Variants in NBEA observed in about 807,000 individuals in gnomAD.
NBEA encodes neurobeachin, also known as lysosomal-trafficking regulator 2.
NBEA carries 44 observed loss-of-function variants against 343.4 expected under a neutral mutation model. That is an observed-to-expected ratio of 0.13 (90% CI 0.10 to 0.16). The LOEUF is 0.16. Among genes scored for constraint, NBEA ranks in the 10% least tolerant of loss-of-function variants. The pLI, the probability that NBEA is intolerant of heterozygous loss-of-function variation, is 1.00. For missense variants in NBEA, 2,555 were observed against 3,631.3 expected, an observed-to-expected ratio of 0.70 and a Z score of 7.62; for synonymous variants, 1,175 against 1,238.7, an observed-to-expected ratio of 0.95 and a Z score of 1.08.
chr13:35,331,326 G>T (rs1298438918), intron 36 of NBEA, among the ~76,000 whole-genome samples: 1 of 151,378 alleles, frequency 6.6e-6, no homozygotes, highest in Non-Finnish European at 1.5e-5. Context: ...CTTACAGTTT[G>T]GGCATGCACT....
At chr13:35,006,782 C>T (rs555513647) in intron 1 of NBEA, among the ~76,000 whole-genome samples, 1 of 152,294 alleles carries the variant, frequency 6.6e-6, no homozygotes, top group East Asian at 1.9e-4. Flanking sequence ...GAGTCTCACT[C>T]TGTTGCCCAG....
intron 28 of NBEA, among the ~76,000 whole-genome samples, chr13:35,177,717 G>C (rs2071012460): frequency 6.6e-6 from 1 of 151,720 alleles, no homozygotes; most frequent in African/African-American, 2.4e-5. Context: ...TTTCACATCA[G>C]ATTCAATGCT....
chr13:35,220,040 A>G (rs1408798794), intron 33 of NBEA, among the ~76,000 whole-genome samples: 1 of 152,160 alleles, frequency 6.6e-6, no homozygotes. Context: ...CTGGTCCAGA[A>G]TACACACTTT....
At chr13:35,661,172 G>A (rs919297035) in intron 55 of NBEA, among the ~76,000 whole-genome samples, 9 of 152,188 alleles carry the variant, frequency 5.9e-5, no homozygotes, top group African/African-American at 2.2e-4. Context: ...AGTGACTAAT[G>A]TGTTCTGATC....
rs1310271069 is a variant in NBEA, at chr13:35,668,398, C to G, written c.8692C>G (p.Leu2898Val). 1.2e-6 allele frequency: 2 copies of G among 1,611,152 alleles called. No individual in the cohort carries two copies. Among genetic ancestry groups the G allele is most frequent in the Non-Finnish European group, 1.7e-6 (2 of 1,178,440 alleles). Reference protein sequence around the residue: ...AILLSSDGQNLVTGGDNGVVE... With the variant: ...AILLSSDGQNVVTGGDNGVVE... The stretch of plus-strand genomic sequence containing the variant: ...TCTCCTGAGCAGTGACGGCCAGAAC[C>G]TGGTCACCGGAGGGGACAATGGGGT... Residue 2898 changes from leucine to valine, a missense_variant, in exon 58 of 59, where the codon CTG (leucine) becomes GTG (valine). Physicochemically the swap from Leu to Val is conservative, Grantham distance 32 (BLOSUM62 1). Around this residue, in one of 21 missense-constraint regions of NBEA, gnomAD observed 186 missense variants for 328.9 expected, o/e 0.57. Coordinates refer to ENST00000379939, the MANE Select transcript of NBEA (RefSeq NM_001385012.1).
chr13:35,112,421 A>G (rs1436637270), intron 13 of NBEA, among the ~76,000 whole-genome samples: 1 of 152,138 alleles, frequency 6.6e-6, no homozygotes, highest in Non-Finnish European at 1.5e-5. Context: ...ATAAGACTGC[A>G]TCTATATATA....
At chr13:35,474,855 T>G in intron 41 of NBEA, 1 of 596,886 alleles carries the variant, frequency 1.7e-6, no homozygotes, top group African/African-American at 1.9e-5. Flanking sequence ...ACTAGTGGCT[T>G]TGGGTTTTTC....
chr13:35,428,219 C>T lies in NBEA; in HGVS notation c.6180-4050C>T, dbSNP rs551258719. ...AAATGCAGAAATCACCCATCTTCTG[C>T]GTTGCTCACGCTGGGAGCTGTAGAC... On this transcript the variant is annotated intron_variant, in intron 38 of 58. Transcript: ENST00000379939. Among the ~76,000 whole-genome samples, 20 of 152,278 alleles carry T rather than the reference C, an allele frequency of 1.3e-4. 1 individual carries two copies. The highest frequency in any genetic ancestry group is 6.8e-3 in the Middle Eastern group (2 of 294).
intron 38 of NBEA, among the ~76,000 whole-genome samples, chr13:35,355,831 A>C (rs1403475740): frequency 6.6e-6 from 1 of 152,084 alleles, no homozygotes; most frequent in Non-Finnish European, 1.5e-5. Flanking sequence ...CTCAAAAAAA[A>C]AATCATTCTC....
intron 39 of NBEA, among the ~76,000 whole-genome samples, chr13:35,449,846 C>A (rs2046216965): frequency 6.6e-6 from 1 of 152,146 alleles, no homozygotes; most frequent in East Asian, 1.9e-4. Flanking sequence ...TACTATTTGT[C>A]TCTGAAGTAT....
chr13:35,380,154 T>G (rs2041937358), intron 38 of NBEA, among the ~76,000 whole-genome samples: 1 of 152,068 alleles, frequency 6.6e-6, no homozygotes, highest in East Asian at 1.9e-4. Context: ...GGTAATACTT[T>G]GTAGTTTTGG....
chr13:35,654,888 C>T lies in NBEA; in HGVS notation c.8069C>T (p.Thr2690Ile), dbSNP rs757879801. ...NNSGVNKRQI[T>I]DLVDQSIQIN... ...TCAGGTGTAAACAAACGGCAGATCA[C>T]AGACCTCGTTGACCAGAGTATACAA... Residue 2690 changes from threonine to isoleucine, a missense_variant, in exon 54 of 59, where the codon ACA becomes ATA. Coordinates refer to ENST00000379939, the MANE Select transcript of NBEA (RefSeq NM_001385012.1). 6.3e-7 allele frequency: 1 copy of T among 1,580,846 alleles called. No individual in the cohort carries two copies. The highest frequency in any genetic ancestry group is 8.6e-7 in the Non-Finnish European group (1 of 1,168,948).
chr13:35,041,858 T>C (rs967109158), intron 2 of NBEA, among the ~76,000 whole-genome samples: 1 of 151,980 alleles, frequency 6.6e-6, no homozygotes, highest in African/African-American at 2.4e-5. Context: ...TGAATATTAT[T>C]CCAGAGCAAA....
In NBEA at chr13:35,549,023, A is replaced by G. The variant is rs1435238004; in HGVS notation, c.6586-1454A>G. 2.6e-5 allele frequency among the ~76,000 whole-genome samples: 4 copies of G among 152,338 alleles called. No homozygotes were observed. The South Asian group carries it at 8.3e-4, about 32-fold the overall frequency. On this transcript the variant is annotated intron_variant, in intron 41 of 58. Coordinates refer to ENST00000379939, the MANE Select transcript of NBEA (RefSeq NM_001385012.1). ...TCATTATCACTGTTTTTCAGATGACAAAAACCAGATGGAGTTAAATAATTG... is the reference window on the plus strand; with the variant it reads ...TCATTATCACTGTTTTTCAGATGACGAAAACCAGATGGAGTTAAATAATTG...
chr13:35,365,050 G>A (rs750822049), intron 38 of NBEA, among the ~76,000 whole-genome samples: 13 of 151,662 alleles, frequency 8.6e-5, no homozygotes, highest in Non-Finnish European at 1.2e-4. Flanking sequence ...GGATGGGTCA[G>A]CACCAAAAAT....
At chr13:35,518,853 C>T (rs150137193) in intron 41 of NBEA, among the ~76,000 whole-genome samples, 2 of 152,198 alleles carry the variant, frequency 1.3e-5, no homozygotes, top group East Asian at 3.9e-4. Context: ...TGCAGGATAC[C>T]TCATAGAGGC....
At chr13:35,256,948 G>T (rs1187127399) in intron 34 of NBEA, among the ~76,000 whole-genome samples, 1 of 152,184 alleles carries the variant, frequency 6.6e-6, no homozygotes, top group Admixed American at 6.5e-5. Flanking sequence ...TGGGACTCCT[G>T]CCCTGCCAAC....
intron 34 of NBEA, among the ~76,000 whole-genome samples, chr13:35,236,344 A>G (rs1010039806): frequency 6.6e-6 from 1 of 152,340 alleles, no homozygotes; most frequent in Admixed American, 6.5e-5. Context: ...TAAACATGTA[A>G]AGAAGTTACA....
intron 31 of NBEA, among the ~76,000 whole-genome samples, chr13:35,202,243 A>C (rs918171513): frequency 3.3e-5 from 5 of 152,246 alleles, no homozygotes; most frequent in Middle Eastern, 3.4e-3. Context: ...GGTCCTGGGC[A>C]TAACTCTGAC....
Sources: allele counts gnomAD v4.1 joint callset (sites outside exome capture counted in the v4.1 genomes callset), GRCh38; gene constraint gnomAD v4.1.1; regional missense constraint gnomAD v4.1.1; transcripts MANE v1.5; gene names NCBI Gene and HGNC (gene_info 2026-07-23, HGNC 2026-07-21).